The following CSGALNACT1 variants were observed in gnomAD, a reference collection of about 807,000 sequenced individuals.
CSGALNACT1 encodes the protein beta4GalNAcT-1.
Under a neutral mutation model 51.0 loss-of-function variants are expected in CSGALNACT1, and 52 were observed. That is an observed-to-expected ratio of 1.02 (90% CI 0.82 to 1.29). CSGALNACT1 has a LOEUF of 1.29. CSGALNACT1 is among the 50% of genes most tolerant of loss of function. The pLI is 0.00. For missense variants in CSGALNACT1, 935 were observed against 679.2 expected (o/e 1.38, Z -4.19); for synonymous variants, 341 against 254.4 (o/e 1.34, Z -3.24).
intron 1 of CSGALNACT1, among the ~76,000 whole-genome samples, chr8:19,697,414 A>G (rs2061639197): frequency 6.6e-6 from 1 of 152,170 alleles, no homozygotes; most frequent in African/African-American, 2.4e-5. Flanking sequence ...GAAGAACAGT[A>G]CGGGGCTGTT....
At chr8:19,641,502 T>C (rs2056746569) in intron 1 of CSGALNACT1, among the ~76,000 whole-genome samples, 1 of 152,128 alleles carries the variant, frequency 6.6e-6, no homozygotes, top group African/African-American at 2.4e-5. Flanking sequence ...TCCTACTGCA[T>C]GGGAAACTCC....
intron 3 of CSGALNACT1, among the ~76,000 whole-genome samples, chr8:19,553,000 A>G (rs907830855): frequency 3.3e-5 from 5 of 152,184 alleles, no homozygotes; most frequent in Non-Finnish European, 7.3e-5. Flanking sequence ...GCTCAAGCAC[A>G]TGACGTCTGC....
intron 2 of CSGALNACT1, among the ~76,000 whole-genome samples, chr8:19,597,082 G>T (rs903662504): frequency 6.6e-6 from 1 of 152,012 alleles, no homozygotes; most frequent in African/African-American, 2.4e-5. Context: ...CATATTAGTG[G>T]AATCACACAG....
chr8:19,428,584 C>G (rs2059144977), intron 6 of CSGALNACT1, among the ~76,000 whole-genome samples: 1 of 152,114 alleles, frequency 6.6e-6, no homozygotes, highest in African/African-American at 2.4e-5. Context: ...CACAGCCAAA[C>G]CATATCAGAG....
intron 1 of CSGALNACT1, among the ~76,000 whole-genome samples, chr8:19,690,689 T>C (rs2061257103): frequency 6.6e-6 from 1 of 152,232 alleles, no homozygotes. Context: ...GATGGAGCAA[T>C]AACGATACTC....
intron 3 of CSGALNACT1, among the ~76,000 whole-genome samples, chr8:19,570,040 C>A (rs982030728): frequency 6.6e-6 from 1 of 151,454 alleles, no homozygotes; most frequent in Non-Finnish European, 1.5e-5. Flanking sequence ...CAAATAGTGG[C>A]ACGCTTTGGG....
At chr8:19,740,242 G>A (rs541988094) in intron 1 of CSGALNACT1, among the ~76,000 whole-genome samples, 19 of 152,270 alleles carry the variant, frequency 1.2e-4, no homozygotes, top group African/African-American at 3.1e-4. Context: ...GCTTGGCAGC[G>A]GGGAGGCCCT....
intron 6 of CSGALNACT1, among the ~76,000 whole-genome samples, chr8:19,427,191 G>T (rs77152789): frequency 0.091 from 13,835 of 152,072 alleles, 832 homozygotes; most frequent in Middle Eastern, 0.16. Flanking sequence ...CTTTCCATCG[G>T]TTCTAAAAGT....
intron 7 of CSGALNACT1, among the ~76,000 whole-genome samples, chr8:19,419,075 A>G (rs2057436691): frequency 6.6e-6 from 1 of 152,032 alleles, no homozygotes; most frequent in African/African-American, 2.4e-5. Flanking sequence ...CAAACTCCTG[A>G]TCTCAAATGA....
chr8:19,509,341 C>T (rs941513321), intron 3 of CSGALNACT1, among the ~76,000 whole-genome samples: 1 of 152,098 alleles, frequency 6.6e-6, no homozygotes, highest in Non-Finnish European at 1.5e-5. Flanking sequence ...GGGTGTTGGC[C>T]GGGCACGGTG....
chr8:19,698,455 A>G (rs1157188312), intron 1 of CSGALNACT1, among the ~76,000 whole-genome samples: 1 of 152,244 alleles, frequency 6.6e-6, no homozygotes, highest in Non-Finnish European at 1.5e-5. Context: ...ATTAATACCC[A>G]TAACAATTGT....
intron 1 of CSGALNACT1, among the ~76,000 whole-genome samples, chr8:19,710,251 T>C (rs956487259): frequency 5.3e-5 from 8 of 152,176 alleles, no homozygotes; most frequent in Non-Finnish European, 8.8e-5. Flanking sequence ...AGCATGACTA[T>C]ATATGGGGAG....
intron 7 of CSGALNACT1, among the ~76,000 whole-genome samples, chr8:19,419,568 AG>A (rs1322425355): frequency 6.6e-6 from 1 of 152,200 alleles, no homozygotes; most frequent in Non-Finnish European, 1.5e-5. Context: ...AGTCTGTGAA[AG>A]TCATTTTAGT....
At chr8:19,565,540 A>G (rs2041732404) in intron 3 of CSGALNACT1, among the ~76,000 whole-genome samples, 1 of 152,272 alleles carries the variant, frequency 6.6e-6, no homozygotes, top group African/African-American at 2.4e-5. Flanking sequence ...CAAGAAGTTC[A>G]AAGGATAAAT....
rs7827643 is a variant in CSGALNACT1, at chr8:19,757,860, A to C, written c.-307T>G. The C allele has an allele frequency of 0.018, 2,711 of 152,444 alleles. 73 individuals carry two copies. The highest frequency in any genetic ancestry group is 0.062 in the African/African-American group (2,568 of 41,572). The allele number at this position is 152,444 out of a possible 1,614,324, so 9.4% of individuals were successfully genotyped here. ...AGAGCTTTTACTTACAGCGAAGGTC[A>C]GGAACCCCTGTAACTCTCACACCGC... On this transcript the variant is annotated 5_prime_UTR_variant, in exon 1 of 2. Coordinates refer to the CSGALNACT1 transcript ENST00000517494. This position sits in a 1 kb window ranked among gnomAD's most constrained non-coding sequence, Gnocchi z 4.0.
At chr8:19,477,448 C>G (rs1392605086) in intron 4 of CSGALNACT1, among the ~76,000 whole-genome samples, 1 of 152,164 alleles carries the variant, frequency 6.6e-6, no homozygotes, top group Admixed American at 6.6e-5. Context: ...TTACTTTGGC[C>G]ATAAAATCAA....
intron 1 of CSGALNACT1, among the ~76,000 whole-genome samples, chr8:19,664,630 CACACACAA>C (rs1388048656): frequency 1.3e-3 from 178 of 141,454 alleles, no homozygotes; most frequent in African/African-American, 3.2e-3. Context: ...TGTATGTACA[CACACACAA>C]ACACACAAAC....
intron 3 of CSGALNACT1, among the ~76,000 whole-genome samples, chr8:19,521,004 A>T (rs2080558570): frequency 6.6e-6 from 1 of 152,242 alleles, no homozygotes; most frequent in South Asian, 2.1e-4. Context: ...CTGATAGGTT[A>T]ATCTGGAAAT....
At chr8:19,425,671 C>T (rs181992347) in intron 6 of CSGALNACT1, among the ~76,000 whole-genome samples, 3 of 152,162 alleles carry the variant, frequency 2.0e-5, no homozygotes, top group African/African-American at 7.2e-5. Flanking sequence ...GTTGCAGATG[C>T]TCCTGTGGTT....
Sources: allele counts gnomAD v4.1 joint callset (sites outside exome capture counted in the v4.1 genomes callset), GRCh38; gene constraint gnomAD v4.1.1; non-coding constraint Gnocchi (gnomAD v3.1); transcripts MANE v1.5; gene names NCBI Gene and HGNC (gene_info 2026-07-23, HGNC 2026-07-21).